The following TPD52L1 variants were observed in gnomAD, a reference collection of about 807,000 sequenced individuals.
TPD52L1 encodes the protein TPD52 like 1.
TPD52L1 carries 18 observed loss-of-function variants against 28.7 expected under a neutral mutation model. That is an observed-to-expected ratio of 0.63 (90% CI 0.43 to 0.93). The LOEUF (loss-of-function observed/expected upper bound fraction) is 0.93. Among genes scored for constraint, TPD52L1 ranks in the 40% least tolerant of loss-of-function variants. The pLI is 0.00. For synonymous variants in TPD52L1, 75 were observed against 88.8 expected (o/e 0.84, Z 0.88); for missense variants, 203 against 254.8 (o/e 0.80, Z 1.39).
chr6:125,207,462 C>T (rs766750501), intron 1 of TPD52L1, among the ~76,000 whole-genome samples: 17 of 152,204 alleles, frequency 1.1e-4, no homozygotes, highest in Non-Finnish European at 2.1e-4. Context: ...TGTTTCTACA[C>T]ATTTTGTAAG....
chr6:125,184,161 C>G (rs987291776), intron 1 of TPD52L1, among the ~76,000 whole-genome samples: 1 of 152,146 alleles, frequency 6.6e-6, no homozygotes, highest in South Asian at 2.1e-4. Flanking sequence ...AAAGCTGCTC[C>G]CAGAACTGGG....
Position 125,166,613 on chromosome 6 carries a change from A to G in TPD52L1, c.19+12643A>G, listed in dbSNP as rs1285020950. Among the ~76,000 whole-genome samples, 3 of 152,284 alleles carry G rather than the reference A, an allele frequency of 2.0e-5. No individual in the cohort carries two copies. In the South Asian group the frequency reaches 6.2e-4, roughly 32 times the overall value. On this transcript the variant is annotated intron_variant, in intron 1 of 6. Transcript: ENST00000534000. ...TTACAGCAGACAGACTAGCAGGAGA[A>G]AAAGCTTACAAAGTTATTTATTTTA...
intron 1 of TPD52L1, among the ~76,000 whole-genome samples, chr6:125,204,488 TA>T (rs200087414): frequency 1.6e-4 from 25 of 151,972 alleles, no homozygotes; most frequent in Admixed American, 3.9e-4. Context: ...TTTTTATTTT[TA>T]TTTTTTTTTC....
chr6:125,258,209 T>C (rs112601445), intron 6 of TPD52L1, among the ~76,000 whole-genome samples: 135 of 152,288 alleles, frequency 8.9e-4, no homozygotes, highest in African/African-American at 3.1e-3. Context: ...AGACCCATAA[T>C]TAGGTGTTTA....
chr6:125,162,763 T>G (rs946867430), intron 1 of TPD52L1, among the ~76,000 whole-genome samples: 3 of 152,258 alleles, frequency 2.0e-5, no homozygotes, highest in Non-Finnish European at 4.4e-5. Context: ...TTTAACATGT[T>G]AATACAAGCA....
chr6:125,174,376 G>T (rs1400320512), intron 1 of TPD52L1, among the ~76,000 whole-genome samples: 1 of 152,064 alleles, frequency 6.6e-6, no homozygotes, highest in Non-Finnish European at 1.5e-5. Context: ...TTGTACTTTT[G>T]TATGCTACCT....
chr6:125,236,977 AC>A (rs930207118), intron 3 of TPD52L1, among the ~76,000 whole-genome samples: 2 of 152,098 alleles, frequency 1.3e-5, no homozygotes, highest in African/African-American at 4.8e-5. Context: ...ATACAGCACA[AC>A]CCTTTTCGTG....
chr6:125,155,061 T>C (rs746139876), intron 1 of TPD52L1, among the ~76,000 whole-genome samples: 2 of 152,222 alleles, frequency 1.3e-5, no homozygotes, highest in Non-Finnish European at 2.9e-5. Flanking sequence ...GGATTACAAT[T>C]GTCTGAACAG....
chr6:125,253,433 C>T, intron 4 of TPD52L1: 1 of 457,316 alleles, frequency 2.2e-6, no homozygotes. Flanking sequence ...CTGGGCTCAC[C>T]TGGGAGAAAC....
chr6:125,249,595 G>A (rs2115039551), intron 4 of TPD52L1, among the ~76,000 whole-genome samples: 1 of 151,306 alleles, frequency 6.6e-6, no homozygotes, highest in East Asian at 1.9e-4. Flanking sequence ...AGGAGGCTGA[G>A]GCAGGAGAAT....
chr6:125,200,803 C>T (rs532144999), intron 1 of TPD52L1, among the ~76,000 whole-genome samples: 1 of 152,232 alleles, frequency 6.6e-6, no homozygotes, highest in Admixed American at 6.5e-5. Flanking sequence ...ATTTTGTCAA[C>T]CTAAGGTAGT....
intron 1 of TPD52L1, among the ~76,000 whole-genome samples, chr6:125,215,024 A>G (rs1794770846): frequency 2.0e-5 from 3 of 152,298 alleles, no homozygotes. Context: ...GCACATTTGG[A>G]AAAGAGAACC....
chr6:125,198,945 G>GAA (rs1793621094), intron 1 of TPD52L1, among the ~76,000 whole-genome samples: 1 of 152,200 alleles, frequency 6.6e-6, no homozygotes, highest in Non-Finnish European at 1.5e-5. Context: ...CTGAGGCTGA[G>GAA]AAATCCGGCG....
rs1467233352 is a variant in TPD52L1, at chr6:125,170,737, G to A, written c.19+16767G>A. On this transcript the variant is annotated intron_variant, in intron 1 of 6. Coordinates refer to ENST00000534000, the MANE Select transcript of TPD52L1 (RefSeq NM_003287.4). ...AGGCCAATGTCTTGGCTTGCAAGTA[G>A]GGTAAAATTCTGACCCTTCTTATTT... Among the ~76,000 whole-genome samples the A allele has an allele frequency of 4.6e-5, 7 of 152,100 alleles. No homozygotes were observed. In the South Asian group the frequency reaches 8.3e-4, roughly 18 times the overall value.
At chr6:125,216,527 GTGTA>G (rs1554210729) in intron 1 of TPD52L1, among the ~76,000 whole-genome samples, 1,540 of 39,732 alleles carry the variant, frequency 0.039, 5 homozygotes, top group African/African-American at 0.065. Flanking sequence ...CAGTATGTGT[GTGTA>G]TATATATATA....
At chr6:125,177,398 A>C (rs1791890496) in intron 1 of TPD52L1, among the ~76,000 whole-genome samples, 1 of 152,132 alleles carries the variant, frequency 6.6e-6, no homozygotes, top group African/African-American at 2.4e-5. Flanking sequence ...CAGCATTTTT[A>C]ATCTTTTTAA....
intron 1 of TPD52L1, among the ~76,000 whole-genome samples, chr6:125,171,541 C>T (rs1303422347): frequency 1.3e-5 from 2 of 152,068 alleles, no homozygotes; most frequent in African/African-American, 2.4e-5. Flanking sequence ...AGTAAACAGT[C>T]GAGTTGGAGA....
At chr6:125,204,730 C>T (rs1469078358) in intron 1 of TPD52L1, among the ~76,000 whole-genome samples, 1 of 152,178 alleles carries the variant, frequency 6.6e-6, no homozygotes, top group Non-Finnish European at 1.5e-5. Flanking sequence ...CCGCCCACCT[C>T]GGCCTCCCAA....
intron 1 of TPD52L1, among the ~76,000 whole-genome samples, chr6:125,211,779 T>A (rs1794533565): frequency 6.6e-6 from 1 of 152,212 alleles, no homozygotes; most frequent in Non-Finnish European, 1.5e-5. Flanking sequence ...GCAACAGGAA[T>A]AAAACACACT....
Sources: gnomAD v4.1 joint callset for allele counts (sites outside exome capture counted in the v4.1 genomes callset) on GRCh38, gnomAD v4.1.1 for gene constraint, MANE v1.5 for transcripts, NCBI Gene and HGNC (gene_info 2026-07-23, HGNC 2026-07-21) for gene names.